The following SSBP3 variants were observed in gnomAD, a reference collection of about 807,000 sequenced individuals.
SSBP3 encodes single-stranded DNA-binding protein 3.
A neutral mutation model predicts 69.6 loss-of-function variants in SSBP3; 5 were observed. That is an observed-to-expected ratio of 0.07 (90% CI 0.04 to 0.15). The LOEUF (loss-of-function observed/expected upper bound fraction) is 0.15, where lower values mean the gene tolerates loss of function less well. SSBP3 is among the 10% of genes least tolerant of loss of function. SSBP3 has a pLI of 1.00. For synonymous variants in SSBP3, 196 were observed against 193.4 expected (o/e 1.01, Z -0.11); for missense variants, 312 against 534.0 (o/e 0.58, Z 4.10).
At chr1:54,377,126 G>T (rs1438638969) in intron 4 of SSBP3, among the ~76,000 whole-genome samples, 3 of 152,086 alleles carry the variant, frequency 2.0e-5, no homozygotes, top group African/African-American at 7.2e-5. Context: ...AAGACACTAC[G>T]GTTAAAGGCA....
intron 7 of SSBP3, among the ~76,000 whole-genome samples, chr1:54,253,195 T>A (rs557992083): frequency 1.3e-5 from 2 of 149,444 alleles, no homozygotes; most frequent in Non-Finnish European, 3.0e-5. Context: ...AGTTTTTGTT[T>A]TTTTTTTTTT....
chr1:54,347,631 G>C (rs754275260), intron 4 of SSBP3, among the ~76,000 whole-genome samples: 1 of 152,206 alleles, frequency 6.6e-6, no homozygotes, highest in Non-Finnish European at 1.5e-5. Flanking sequence ...AAAATGAGGT[G>C]ATATTGGATT....
intron 4 of SSBP3, among the ~76,000 whole-genome samples, chr1:54,378,006 G>C (rs868502316): frequency 6.6e-6 from 1 of 151,958 alleles, no homozygotes; most frequent in Non-Finnish European, 1.5e-5. Flanking sequence ...AATTCTGCTC[G>C]GCCTCAACAC....
In SSBP3 at chr1:54,386,517, A is replaced by G. The variant is rs1488457284; in HGVS notation, c.276+15344T>C. On this transcript the variant is annotated intron_variant, in intron 4 of 17. Coordinates refer to ENST00000610401, the Ensembl canonical transcript of SSBP3. Reference sequence around the variant, plus strand: ...TCAGGTGTTCTCACCCCCAGTTCCAAGGTTGCTCATATCCCGTATTCCAGT... The same window carrying G: ...TCAGGTGTTCTCACCCCCAGTTCCAGGGTTGCTCATATCCCGTATTCCAGT... Among the ~76,000 whole-genome samples the G allele has an allele frequency of 3.9e-5, 6 of 152,026 alleles. No homozygotes were observed. In the East Asian group the frequency reaches 1.2e-3, roughly 29 times the overall value.
At chr1:54,230,621 T>G (rs1208931415) in intron 14 of SSBP3, among the ~76,000 whole-genome samples, 1 of 152,216 alleles carries the variant, frequency 6.6e-6, no homozygotes, top group African/African-American at 2.4e-5. Context: ...CAACCAATTT[T>G]GAACGTTTCC....
intron 4 of SSBP3, among the ~76,000 whole-genome samples, chr1:54,307,143 T>G (rs984428082): frequency 6.6e-6 from 1 of 152,158 alleles, no homozygotes; most frequent in Non-Finnish European, 1.5e-5. Context: ...TCTTCTGCCT[T>G]CCGGCCCTAG....
intron 5 of SSBP3, among the ~76,000 whole-genome samples, chr1:54,275,323 C>T (rs1645265126): frequency 6.6e-6 from 1 of 152,256 alleles, no homozygotes; most frequent in Admixed American, 6.5e-5. Context: ...CCACTAGTAA[C>T]AGGCTTCGGA....
chr1:54,320,189 A>T (rs1646187400), intron 4 of SSBP3, among the ~76,000 whole-genome samples: 1 of 152,202 alleles, frequency 6.6e-6, no homozygotes, highest in South Asian at 2.1e-4. Flanking sequence ...ACAAAAGTGA[A>T]AGGGAAGCCA....
intron 5 of SSBP3, among the ~76,000 whole-genome samples, chr1:54,265,234 C>T (rs563409244): frequency 3.3e-5 from 5 of 152,260 alleles, no homozygotes; most frequent in African/African-American, 9.6e-5. Context: ...CAGTCTTTGG[C>T]GGAAACGTTA....
intron 4 of SSBP3, among the ~76,000 whole-genome samples, chr1:54,326,882 A>G (rs1042883683): frequency 6.6e-6 from 1 of 152,164 alleles, no homozygotes. Flanking sequence ...CGCAGGCCAT[A>G]AGGCAGGAAC....
intron 15 of SSBP3, 45 bp from the exon 16 acceptor site, chr1:54,228,522 C>T (rs750125364): frequency 6.2e-7 from 1 of 1,613,022 alleles, no homozygotes; most frequent in African/African-American, 1.3e-5. Flanking sequence ...CTTGCTCTTC[C>T]ACGGAGGGGT....
rs564997684 is a variant in SSBP3 at position 54,363,095 on chromosome 1, G to A, written c.276+38766C>T. On this transcript the variant is annotated intron_variant, in intron 4 of 17. Coordinates refer to ENST00000610401, the Ensembl canonical transcript of SSBP3. ...AATGCTGTCTAGAGGTCATTCCTGGGATGAAAGGCACCAGGCATTAAGAAG... is the reference window on the plus strand; with the variant it reads ...AATGCTGTCTAGAGGTCATTCCTGGAATGAAAGGCACCAGGCATTAAGAAG... Among the ~76,000 whole-genome samples the A allele has an allele frequency of 3.3e-5, 5 of 152,240 alleles. No individual in the cohort carries two copies. In the East Asian group the frequency reaches 9.6e-4, roughly 29 times the overall value.
At chr1:54,240,794 A>G in intron 13 of SSBP3, 111 bp downstream of exon 13, 2 of 1,404,020 alleles carry the variant, frequency 1.4e-6, no homozygotes, top group Non-Finnish European at 2.0e-6. Context: ...GCTGCCCAGG[A>G]AGGAGTGGCT....
At chr1:54,242,326 C>CGACG in intron 10 of SSBP3, 114 bp from the exon 11 acceptor site, 1 of 1,278,416 alleles carries the variant, frequency 7.8e-7, no homozygotes, top group South Asian at 1.3e-5. Flanking sequence ...GTCCTTCCTA[C>CGACG]AGCCCTGCGG....
At chr1:54,229,124 C>G (rs1644338902) in intron 14 of SSBP3, among the ~76,000 whole-genome samples, 1 of 152,254 alleles carries the variant, frequency 6.6e-6, no homozygotes, top group South Asian at 2.1e-4. Context: ...GATCCCACCA[C>G]AGGGCCCTCT....
intron 14 of SSBP3, among the ~76,000 whole-genome samples, chr1:54,231,843 C>T (rs566515485): frequency 7.4e-4 from 112 of 152,092 alleles, no homozygotes; most frequent in Non-Finnish European, 2.4e-4. Flanking sequence ...TACAGGTGCG[C>T]GCCACCACAC....
intron 4 of SSBP3, among the ~76,000 whole-genome samples, chr1:54,291,081 G>A (rs755114992): frequency 2.0e-5 from 3 of 152,152 alleles, no homozygotes; most frequent in South Asian, 2.1e-4. Context: ...CCGCGCACAC[G>A]CTCAGTTCCA....
At chr1:54,413,414 GTC>G (rs1294667433) in exon 1 of SSBP3, 1 of 152,218 alleles carries the variant, frequency 6.6e-6, no homozygotes, top group Non-Finnish European at 1.5e-5. Flanking sequence ...TGTCCCATGG[GTC>G]TCTCATTCTG....
intron 4 of SSBP3, among the ~76,000 whole-genome samples, chr1:54,321,926 T>C (rs1429504215): frequency 6.6e-6 from 1 of 152,100 alleles, no homozygotes. Context: ...TACTGCTTGA[T>C]TGCCTGGAGA....
Sources: gnomAD v4.1 joint callset for allele counts (sites outside exome capture counted in the v4.1 genomes callset) on GRCh38, gnomAD v4.1.1 for gene constraint, MANE v1.5 for transcripts, NCBI Gene and HGNC (gene_info 2026-07-23, HGNC 2026-07-21) for gene names.